The following PCDHA12 variants were observed in gnomAD, a reference collection of about 807,000 sequenced individuals.
PCDHA12 encodes protocadherin alpha 12.
A neutral mutation model predicts 60.0 loss-of-function variants in PCDHA12; 44 were observed. The observed-to-expected ratio is 0.73, with a 90% confidence interval of 0.58 to 0.94. The LOEUF (loss-of-function observed/expected upper bound fraction) is 0.94, where lower values mean the gene tolerates loss of function less well. Among genes scored for constraint, PCDHA12 ranks in the 40% least tolerant of loss-of-function variants. The pLI, the probability that PCDHA12 is intolerant of heterozygous loss-of-function variation, is 0.00. For missense variants in PCDHA12, 1,276 were observed against 1,239.7 expected (o/e 1.03, Z -0.44); for synonymous variants, 569 against 553.0 (o/e 1.03, Z -0.40).
At chr5:141,006,978 T>C (rs2098297277) in intron 3 of PCDHA12, among the ~76,000 whole-genome samples, 1 of 152,090 alleles carries the variant, frequency 6.6e-6, no homozygotes, top group African/African-American at 2.4e-5. Context: ...CACAGAGAGA[T>C]GTGGGCTTAA....
intron 1 of PCDHA12, among the ~76,000 whole-genome samples, chr5:140,900,046 G>A (rs896570608): frequency 2.4e-4 from 36 of 152,294 alleles, no homozygotes; most frequent in Admixed American, 1.6e-3. Context: ...CTGGGCTCAA[G>A]TGATCCTTTA....
chr5:140,896,902 G>C (rs1427098120), intron 1 of PCDHA12, among the ~76,000 whole-genome samples: 1 of 152,044 alleles, frequency 6.6e-6, no homozygotes, highest in Non-Finnish European at 1.5e-5. Context: ...TTTGATACAA[G>C]CATGCAATGC....
intron 1 of PCDHA12, chr5:140,929,574 G>A: frequency 2.2e-6 from 1 of 448,534 alleles, no homozygotes; most frequent in Non-Finnish European, 3.9e-6. Flanking sequence ...AACAATAAAA[G>A]TAATATGACA....
intron 3 of PCDHA12, among the ~76,000 whole-genome samples, chr5:141,000,419 ATATTTTT>A (rs1397100244): frequency 3.9e-4 from 24 of 60,984 alleles, no homozygotes; most frequent in African/African-American, 1.8e-3. Flanking sequence ...ATATATATAT[ATATTTTT>A]TTTTTTTTTT....
intron 1 of PCDHA12, chr5:140,883,596 TG>T (rs1562791192): frequency 7.4e-6 from 12 of 1,613,794 alleles, no homozygotes; most frequent in Non-Finnish European, 1.0e-5. Context: ...AGCGTGTCGG[TG>T]GGGGTGGCCG....
Position 141,010,368 on chromosome 5 carries a change from C to G in PCDHA12, c.*431C>G, listed in dbSNP as rs368481822. 3,124 of 1,471,046 alleles carry G rather than the reference C, an allele frequency of 2.1e-3. 5 individuals are homozygous for G. Among genetic ancestry groups the G allele is most frequent in the Middle Eastern group, 8.7e-3 (36 of 4,144 alleles). The allele number at this position is 1,471,046 out of a possible 1,614,324, so 91.1% of individuals were successfully genotyped here. A position where few individuals can be genotyped will look rare whatever the true frequency, so the allele number is the denominator to read the frequency against. On this transcript the variant is annotated 3_prime_UTR_variant, in exon 4 of 4. Coordinates refer to ENST00000398631, the MANE Select transcript of PCDHA12 (RefSeq NM_018903.4). ...GGTATGTGTGGCTACCGCGGGTATG[C>G]GAGTGCCAGATATTGGCTGAGACGA...
chr5:140,905,160 A>G (rs1554191931), intron 1 of PCDHA12, among the ~76,000 whole-genome samples: 2 of 152,304 alleles, frequency 1.3e-5, no homozygotes, highest in East Asian at 1.9e-4. Flanking sequence ...TAGAATTTTC[A>G]TGGTTTCAGG....
intron 1 of PCDHA12, among the ~76,000 whole-genome samples, chr5:140,941,202 C>CTTTCTTTCTTTCTTTCTTTCTTTCTTT (rs1554213921): frequency 8.1e-6 from 1 of 122,708 alleles, no homozygotes; most frequent in Admixed American, 8.6e-5. Context: ...TTTCTTTCTT[C>CTTTCTTTCTTTCTTTCTTTCTTTCTTT]CTTTCTTTCT....
chr5:140,953,131 C>T (rs1554220819), intron 1 of PCDHA12, among the ~76,000 whole-genome samples: 1 of 152,158 alleles, frequency 6.6e-6, no homozygotes, highest in African/African-American at 2.4e-5. Context: ...TAAACCGTAT[C>T]ACTGTTATAT....
At chr5:140,921,988 A>G (rs1182214376) in intron 1 of PCDHA12, among the ~76,000 whole-genome samples, 1 of 152,132 alleles carries the variant, frequency 6.6e-6, no homozygotes, top group Non-Finnish European at 1.5e-5. Flanking sequence ...ACTAAAAAAG[A>G]GTTCAATGAA....
intron 1 of PCDHA12, among the ~76,000 whole-genome samples, chr5:140,958,951 A>C (rs1212039253): frequency 6.6e-6 from 1 of 151,992 alleles, no homozygotes; most frequent in Non-Finnish European, 1.5e-5. Flanking sequence ...ATATTATATT[A>C]TTATAATTGT....
At chr5:140,997,740 C>T (rs568361121) in intron 3 of PCDHA12, among the ~76,000 whole-genome samples, 3 of 151,924 alleles carry the variant, frequency 2.0e-5, no homozygotes, top group African/African-American at 7.2e-5. Flanking sequence ...ATAGATTTGC[C>T]ACAATCTTCT....
intron 1 of PCDHA12, chr5:140,928,252 G>C (rs1377533547): frequency 2.5e-6 from 4 of 1,614,208 alleles, no homozygotes; most frequent in Non-Finnish European, 3.4e-6. Flanking sequence ...GGAACTTTTC[G>C]TTGCTGAAAA....
intron 3 of PCDHA12, among the ~76,000 whole-genome samples, chr5:141,003,132 C>G (rs1391034413): frequency 6.6e-6 from 1 of 152,208 alleles, no homozygotes; most frequent in African/African-American, 2.4e-5. Flanking sequence ...CTGGCATTTG[C>G]CTTGGCAAAG....
At chr5:140,993,460 T>TCACA (rs1554253699) in intron 3 of PCDHA12, among the ~76,000 whole-genome samples, 76 of 104,564 alleles carry the variant, frequency 7.3e-4, no homozygotes, top group Admixed American at 2.0e-3. Context: ...CTTCTTTCTT[T>TCACA]CTCACACACA....
In PCDHA12 at chr5:140,877,220, G is replaced by C. The variant is rs560974692; in HGVS notation, c.1748G>C (p.Arg583Pro). ...AGGAVSELVP[R>P]SVGAGHVVAK... ...GGCGCAGTTAGCGAGTTGGTACCGC[G>C]GTCGGTGGGTGCGGGCCACGTGGTG... Residue 583 changes from arginine to proline, a missense_variant, in exon 1 of 4, where the codon CGG becomes CCG. Arg to Pro is a moderately radical substitution (Grantham distance 103). Coordinates refer to ENST00000398631, the MANE Select transcript of PCDHA12 (RefSeq NM_018903.4). 1.2e-6 allele frequency: 2 copies of C among 1,613,740 alleles called. No homozygotes were observed. The highest frequency in any genetic ancestry group is 2.2e-5 in the East Asian group (1 of 44,850).
intron 1 of PCDHA12, chr5:140,884,831 A>G (rs918582598): frequency 4.3e-6 from 4 of 939,604 alleles, no homozygotes; most frequent in Non-Finnish European, 6.0e-6. Flanking sequence ...GTGTTGGATT[A>G]TCCTTCAGAG....
intron 1 of PCDHA12, among the ~76,000 whole-genome samples, chr5:140,880,522 T>C (rs2058372712): frequency 6.6e-6 from 1 of 152,232 alleles, no homozygotes; most frequent in South Asian, 2.1e-4. Flanking sequence ...CATCTCTCAA[T>C]GTGTGAATCA....
intron 3 of PCDHA12, among the ~76,000 whole-genome samples, chr5:140,992,394 G>A (rs1338899804): frequency 2.0e-5 from 3 of 152,170 alleles, no homozygotes; most frequent in African/African-American, 7.2e-5. Flanking sequence ...TCTGGACTTA[G>A]AGATATTGTT....
Sources: allele counts gnomAD v4.1 joint callset (sites outside exome capture counted in the v4.1 genomes callset), GRCh38; gene constraint gnomAD v4.1.1; transcripts MANE v1.5; gene names NCBI Gene and HGNC (gene_info 2026-07-23, HGNC 2026-07-21).